The following SLC35F4 variants were observed in gnomAD, a reference collection of about 807,000 sequenced individuals.
SLC35F4 encodes the protein chromosome 14 open reading frame 36.
Under a neutral mutation model 44.2 loss-of-function variants are expected in SLC35F4, and 24 were observed. The ratio of observed to expected loss-of-function variants is 0.54; its 90% CI spans 0.39 to 0.76. The LOEUF (loss-of-function observed/expected upper bound fraction) is 0.76, where lower values mean the gene tolerates loss of function less well. SLC35F4 is among the 30% of genes least tolerant of loss of function. SLC35F4 has a pLI of 0.00. For synonymous variants in SLC35F4, 238 were observed against 223.6 expected (o/e 1.06, Z -0.57); for missense variants, 562 against 586.1 (o/e 0.96, Z 0.42).
chr14:57,946,797 T>A (rs1890041587), intron 1 of SLC35F4, among the ~76,000 whole-genome samples: 1 of 152,176 alleles, frequency 6.6e-6, no homozygotes, highest in South Asian at 2.1e-4. Flanking sequence ...ATTTCTGGGT[T>A]CTCTGTTCAA....
At chr14:57,709,341 C>G (rs1008379322) in intron 1 of SLC35F4, among the ~76,000 whole-genome samples, 12 of 152,156 alleles carry the variant, frequency 7.9e-5, no homozygotes, top group African/African-American at 2.7e-4. Context: ...AGAAGGCTCG[C>G]ACTCTTGTCT....
At chr14:57,879,464 C>G (rs1888472733) in intron 1 of SLC35F4, among the ~76,000 whole-genome samples, 1 of 152,062 alleles carries the variant, frequency 6.6e-6, no homozygotes, top group South Asian at 2.1e-4. Context: ...GGGTTCCCTG[C>G]TCTTACCTCC....
rs915142636 is a variant in SLC35F4 at position 57,857,154 on chromosome 14, G to A, written c.103+8569C>T. Reference sequence around the variant, plus strand: ...TAGCTGGGCATGGTGGTGCATGCCTGTAATCCCAGCTACTCGGGAGGTGGA... The same window carrying A: ...TAGCTGGGCATGGTGGTGCATGCCTATAATCCCAGCTACTCGGGAGGTGGA... On this transcript the variant is annotated intron_variant, in intron 1 of 7. Transcript: ENST00000556826. Among the ~76,000 whole-genome samples the A allele has an allele frequency of 4.6e-5, 7 of 151,836 alleles. No homozygotes were observed. The East Asian group carries it at 1.4e-3, about 29-fold the overall frequency.
At chr14:57,881,724 G>A (rs1433884102) in intron 1 of SLC35F4, among the ~76,000 whole-genome samples, 1 of 152,094 alleles carries the variant, frequency 6.6e-6, no homozygotes, top group African/African-American at 2.4e-5. Context: ...GAACATGTTG[G>A]TTCTTTATTT....
At chr14:57,711,862 C>T (rs1467030350) in intron 1 of SLC35F4, among the ~76,000 whole-genome samples, 1 of 152,186 alleles carries the variant, frequency 6.6e-6, no homozygotes, top group African/African-American at 2.4e-5. Context: ...AACACTTATC[C>T]AATTAACTTA....
chr14:57,953,027 G>A (rs1030085486), intron 1 of SLC35F4, among the ~76,000 whole-genome samples: 2 of 152,040 alleles, frequency 1.3e-5, no homozygotes, highest in Non-Finnish European at 2.9e-5. Context: ...AATGTTAAGG[G>A]GAGCCAGAGA....
At chr14:57,784,094 G>T (rs966195400) in intron 1 of SLC35F4, among the ~76,000 whole-genome samples, 2 of 152,192 alleles carry the variant, frequency 1.3e-5, no homozygotes, top group Non-Finnish European at 1.5e-5. Context: ...TGGCAAAAAA[G>T]TGATTAGTGA....
At chr14:57,725,029 A>G (rs2076168573) in intron 1 of SLC35F4, among the ~76,000 whole-genome samples, 2 of 152,132 alleles carry the variant, frequency 1.3e-5, no homozygotes, top group Non-Finnish European at 2.9e-5. Flanking sequence ...AAGTGGATGG[A>G]CCTCTTTGTG....
At chr14:57,946,233 A>G (rs1215537767) in intron 1 of SLC35F4, among the ~76,000 whole-genome samples, 1 of 151,936 alleles carries the variant, frequency 6.6e-6, no homozygotes, top group Non-Finnish European at 1.5e-5. Flanking sequence ...TTCCAATGTT[A>G]TCTTCTAGAA....
At chr14:57,979,337 G>A (rs1348168610) in intron 1 of SLC35F4, among the ~76,000 whole-genome samples, 1 of 152,172 alleles carries the variant, frequency 6.6e-6, no homozygotes, top group Admixed American at 6.5e-5. Context: ...ATGTGAGAAA[G>A]AAAGGAGGGA....
chr14:57,671,192 T>C (rs2074510127), intron 1 of SLC35F4, among the ~76,000 whole-genome samples: 1 of 152,112 alleles, frequency 6.6e-6, no homozygotes, highest in Non-Finnish European at 1.5e-5. Flanking sequence ...ACCTGTGACC[T>C]TCTGAGGTTT....
intron 1 of SLC35F4, among the ~76,000 whole-genome samples, chr14:57,834,615 A>G (rs1197324082): frequency 1.3e-5 from 2 of 152,272 alleles, no homozygotes; most frequent in African/African-American, 4.8e-5. Context: ...GGACAATGGT[A>G]TAACTAAACC....
At chr14:57,868,438 G>A (rs919733725), upstream of SLC35F4, among the ~76,000 whole-genome samples, 9 of 151,492 alleles carry the variant, frequency 5.9e-5, no homozygotes, top group East Asian at 3.9e-4. Context: ...CATTTTAGAC[G>A]TTATTAACAA....
In SLC35F4 at chr14:57,667,491, G is replaced by A. The variant is rs188807000; in HGVS notation, c.104-73367C>T. Among the ~76,000 whole-genome samples, 95 of 41,398 alleles carry A rather than the reference G, an allele frequency of 2.3e-3. 1 individual carries two copies. In the East Asian group the frequency reaches 0.036, roughly 16 times the overall value. The allele number at this position is 41,398 out of a possible 152,430, so 27.2% of individuals were successfully genotyped here. A position where few individuals can be genotyped will look rare whatever the true frequency, so the allele number is the denominator to read the frequency against. On this transcript the variant is annotated intron_variant, in intron 1 of 7. Coordinates refer to ENST00000556826, the MANE Select transcript of SLC35F4 (RefSeq NM_001306087.2). ...TAATGCTATCCCTCCTCCCTCCCCC[G>A]ACCCCACAACAGGCCCCAGTGTGTG...
intron 1 of SLC35F4, among the ~76,000 whole-genome samples, chr14:57,788,817 G>A (rs1165936842): frequency 1.3e-5 from 2 of 152,128 alleles, no homozygotes; most frequent in East Asian, 3.9e-4. Context: ...CAGTCTGTCA[G>A]ACCACAGTGT....
chr14:57,617,984 G>T (rs2140079238), intron 1 of SLC35F4, among the ~76,000 whole-genome samples: 1 of 152,318 alleles, frequency 6.6e-6, no homozygotes, highest in Non-Finnish European at 1.5e-5. Flanking sequence ...AGTAGAGTCA[G>T]TTTGTTCTTG....
chr14:57,782,692 C>T (rs560152973), intron 1 of SLC35F4, among the ~76,000 whole-genome samples: 24 of 152,278 alleles, frequency 1.6e-4, no homozygotes, highest in African/African-American at 3.4e-4. Flanking sequence ...AAACACCCTG[C>T]GTAAGCAGTT....
intron 1 of SLC35F4, among the ~76,000 whole-genome samples, chr14:57,874,052 G>A (rs140802581): frequency 3.6e-4 from 55 of 152,308 alleles, no homozygotes; most frequent in African/African-American, 1.2e-3. Context: ...TCTAAGTACA[G>A]TTATTTGGAC....
upstream of SLC35F4, among the ~76,000 whole-genome samples, chr14:57,868,414 A>G (rs2141025495): frequency 6.6e-6 from 1 of 152,350 alleles, no homozygotes; most frequent in African/African-American, 2.4e-5. Context: ...AAGATGTTTT[A>G]ATCTTTCAAT....
Sources: allele counts gnomAD v4.1 joint callset (sites outside exome capture counted in the v4.1 genomes callset), GRCh38; gene constraint gnomAD v4.1.1; transcripts MANE v1.5; gene names NCBI Gene and HGNC (gene_info 2026-07-23, HGNC 2026-07-21).